DLG2: variants seen among roughly 807,000 people sequenced by gnomAD.
DLG2 encodes discs large MAGUK scaffold protein 2, also known as disks large homolog 2.
Under a neutral mutation model 132.5 loss-of-function variants are expected in DLG2, and 45 were observed. That is an observed-to-expected ratio of 0.34 (90% CI 0.27 to 0.44). The LOEUF (loss-of-function observed/expected upper bound fraction) is 0.44. DLG2 is among the 20% of genes least tolerant of loss of function. The pLI, the probability that DLG2 is intolerant of heterozygous loss-of-function variation, is 1.00. For synonymous variants in DLG2, 424 were observed against 419.6 expected (o/e 1.01, Z -0.13); for missense variants, 1,045 against 1,196.9 (o/e 0.87, Z 1.87).
At chr11:84,079,980 T>C (rs923090069) in intron 10 of DLG2, among the ~76,000 whole-genome samples, 6 of 152,218 alleles carry the variant, frequency 3.9e-5, no homozygotes, top group African/African-American at 7.2e-5. Context: ...CTGAGTATCT[T>C]AGGCTAGATT....
intron 6 of DLG2, among the ~76,000 whole-genome samples, chr11:84,873,851 T>G (rs1229345205): frequency 6.6e-6 from 1 of 152,202 alleles, no homozygotes; most frequent in African/African-American, 2.4e-5. Context: ...TGAATAAAAT[T>G]AGCAGATCAA....
At chr11:85,441,701 G>A (rs2091786157) in intron 3 of DLG2, among the ~76,000 whole-genome samples, 2 of 152,162 alleles carry the variant, frequency 1.3e-5, no homozygotes, top group African/African-American at 2.4e-5. Context: ...TAAATGCTAT[G>A]ATTCACTCAT....
chr11:85,144,759 A>C (rs899803428), intron 5 of DLG2, among the ~76,000 whole-genome samples: 2 of 151,890 alleles, frequency 1.3e-5, no homozygotes, highest in African/African-American at 4.8e-5. Flanking sequence ...AGTTGTTTCT[A>C]TATATTTTTA....
chr11:85,038,718 C>A (rs563228884), intron 6 of DLG2, among the ~76,000 whole-genome samples: 35 of 151,966 alleles, frequency 2.3e-4, no homozygotes, highest in Admixed American at 4.6e-4. Flanking sequence ...AGAAAACAAC[C>A]ATGTGAAGAA....
In DLG2 at chr11:84,624,857, C is replaced by CTTTTTTTTTTTTTTT. The variant is rs776520040; in HGVS notation, c.358-90141_358-90127dup. Among the ~76,000 whole-genome samples, 239 of 76,172 alleles carry CTTTTTTTTTTTTTTT rather than the reference C, an allele frequency of 3.1e-3. 84 individuals carry two copies. Among genetic ancestry groups the CTTTTTTTTTTTTTTT allele is most frequent in the African/African-American group, 0.025 (215 of 8,542 alleles). 50.0% of individuals were successfully genotyped at this position (76,172 alleles called of 152,430 possible). A position where few individuals can be genotyped will look rare whatever the true frequency, so the allele number is the denominator to read the frequency against. On this transcript the variant is annotated intron_variant, in intron 6 of 27. Coordinates refer to ENST00000376104, the MANE Select transcript of DLG2 (RefSeq NM_001142699.3). ...AGTTACCTCTCAGAAGAGAGTCAAC[C>CTTTTTTTTTTTTTTT]TTTTTTTTTTTTTTTTTTGAGACGG...
chr11:83,613,189 G>C (rs1208554375), intron 19 of DLG2, among the ~76,000 whole-genome samples: 1 of 152,186 alleles, frequency 6.6e-6, no homozygotes, highest in Non-Finnish European at 1.5e-5. Flanking sequence ...AGCAAGGGGA[G>C]TGAGGAGCAG....
chr11:84,074,473 C>T lies in DLG2; in HGVS notation c.750-14989G>A, dbSNP rs147787628. Among the ~76,000 whole-genome samples the T allele has an allele frequency of 1.9e-3, 296 of 152,170 alleles. 2 individuals carry two copies. Among genetic ancestry groups the T allele is most frequent in the African/African-American group, 6.9e-3 (287 of 41,516 alleles). ...ACTTCTACCCAAACATGTTGGCTCA[C>T]GGGTTCCACTCCTGTTTTCTTTAAT... is the stretch of plus-strand genomic sequence containing the variant. On this transcript the variant is annotated intron_variant, in intron 10 of 27. Coordinates refer to ENST00000376104, the MANE Select transcript of DLG2 (RefSeq NM_001142699.3).
chr11:84,462,351 T>A (rs967456134), intron 7 of DLG2, among the ~76,000 whole-genome samples: 7 of 150,990 alleles, frequency 4.6e-5, no homozygotes, highest in Non-Finnish European at 8.9e-5. Context: ...AACATTTTTT[T>A]AAAAACCTTT....
At chr11:85,341,912 T>C (rs1195248034) in intron 3 of DLG2, among the ~76,000 whole-genome samples, 1 of 152,008 alleles carries the variant, frequency 6.6e-6, no homozygotes. Context: ...AGTATTTGTG[T>C]ATCTACACAT....
intron 7 of DLG2, among the ~76,000 whole-genome samples, chr11:84,442,442 A>G (rs767758646): frequency 6.6e-6 from 1 of 152,154 alleles, no homozygotes; most frequent in Non-Finnish European, 1.5e-5. Context: ...AAAACCAAAT[A>G]CCACATGTTC....
At chr11:84,036,825 A>G (rs1482841871) in intron 11 of DLG2, among the ~76,000 whole-genome samples, 1 of 152,112 alleles carries the variant, frequency 6.6e-6, no homozygotes. Flanking sequence ...AATACAGACT[A>G]ATTTCAAAGT....
Position 85,446,793 on chromosome 11 carries a change from ATGTGTGTGTG to A in DLG2, c.40+151854_40+151863del, listed in dbSNP as rs35097336. Among the ~76,000 whole-genome samples the A allele has an allele frequency of 1.4e-4, 21 of 145,200 alleles. No individual in the cohort carries two copies. The East Asian group carries it at 2.4e-3, about 17-fold the overall frequency. On this transcript the variant is annotated intron_variant, in intron 3 of 27. Coordinates refer to ENST00000376104, the MANE Select transcript of DLG2 (RefSeq NM_001142699.3). ...ACTCCAGTTTGAAGGGATATAGTAT[ATGTGTGTGTG>A]TGTGTGTGTGTGTGTGTGTGTGTTT... is the stretch of plus-strand genomic sequence containing the variant.
At chr11:84,286,931 C>A (rs542541988) in intron 7 of DLG2, among the ~76,000 whole-genome samples, 5 of 152,124 alleles carry the variant, frequency 3.3e-5, no homozygotes, top group Non-Finnish European at 7.4e-5. Flanking sequence ...GTCAACTTTC[C>A]AGATTAGAAT....
intron 9 of DLG2, among the ~76,000 whole-genome samples, chr11:84,144,881 T>A (rs2095014410): frequency 6.6e-6 from 1 of 152,200 alleles, no homozygotes; most frequent in Admixed American, 6.5e-5. Flanking sequence ...CTGTTATGAT[T>A]TGTTCAGTTG....
intron 7 of DLG2, among the ~76,000 whole-genome samples, chr11:84,517,072 A>C (rs1281783021): frequency 1.3e-5 from 2 of 148,926 alleles, no homozygotes; most frequent in African/African-American, 4.9e-5. Flanking sequence ...AAAAAAAAAA[A>C]AGATTCGCAA....
At chr11:83,977,282 C>T (rs1346991846) in intron 12 of DLG2, among the ~76,000 whole-genome samples, 1 of 151,894 alleles carries the variant, frequency 6.6e-6, no homozygotes, top group Non-Finnish European at 1.5e-5. Flanking sequence ...GTAAACGCAA[C>T]CATCACTGCT....
chr11:85,597,636 T>G (rs555694362), intron 3 of DLG2, among the ~76,000 whole-genome samples: 1 of 151,940 alleles, frequency 6.6e-6, no homozygotes. Flanking sequence ...TGAATAATTT[T>G]TAAAATTACA....
intron 6 of DLG2, among the ~76,000 whole-genome samples, chr11:84,643,959 T>C (rs1220798676): frequency 1.3e-5 from 2 of 152,216 alleles, no homozygotes; most frequent in Non-Finnish European, 2.9e-5. Flanking sequence ...TTCTATGTCA[T>C]TCTCATTTTA....
intron 6 of DLG2, among the ~76,000 whole-genome samples, chr11:84,580,207 TGGGTTTCATCA>T (rs1348806413): frequency 6.6e-6 from 1 of 152,200 alleles, no homozygotes; most frequent in Non-Finnish European, 1.5e-5. Flanking sequence ...TAATATGCTG[TGGGTTTCATCA>T]AGCCTCAGAC....
Sources: allele counts gnomAD v4.1 joint callset (sites outside exome capture counted in the v4.1 genomes callset), GRCh38; gene constraint gnomAD v4.1.1; transcripts MANE v1.5; gene names NCBI Gene and HGNC (gene_info 2026-07-23, HGNC 2026-07-21).